The following PIK3R1 variants were observed in gnomAD, a reference collection of about 807,000 sequenced individuals.
PIK3R1 encodes the protein phosphatidylinositol 3-kinase regulatory subunit alpha.
Under a neutral mutation model 98.0 loss-of-function variants are expected in PIK3R1, and 29 were observed. The ratio of observed to expected loss-of-function variants is 0.30; its 90% confidence interval spans 0.22 to 0.40. PIK3R1 has a LOEUF of 0.40. Among genes scored for constraint, PIK3R1 ranks in the 10% least tolerant of loss-of-function variants. PIK3R1 has a pLI of 1.00. For synonymous variants in PIK3R1, 282 were observed against 311.8 expected (o/e 0.90, Z 1.01); for missense variants, 596 against 872.7 (o/e 0.68, Z 3.99).
rs2112263004 is a variant in PIK3R1 at position 68,293,748 on chromosome 5, A to G, written c.1339A>G (p.Lys447Glu). Residue 447 changes from lysine (K) to glutamate (E), a missense_variant, in exon 11 of 16, where the codon AAA becomes GAA. Physicochemically the swap from Lys to Glu is moderately conservative, Grantham distance 56. This residue lies in a region of PIK3R1 where 207 missense variants were observed against 361.4 expected (regional missense o/e 0.57). Coordinates refer to ENST00000521381, the MANE Select transcript of PIK3R1 (RefSeq NM_181523.3). ...VKEDNIEAVG[K>E]KLHEYNTQFQ... Reference sequence around the variant, plus strand: ...AGAAGATAATATTGAAGCTGTAGGGAAAAAATTACATGAATATAACACTCA... The same window carrying G: ...AGAAGATAATATTGAAGCTGTAGGGGAAAAATTACATGAATATAACACTCA... 1 of 1,523,784 alleles carries G rather than the reference A, an allele frequency of 6.6e-7. No homozygotes were observed. The highest frequency in any genetic ancestry group is 9.0e-7 in the Non-Finnish European group (1 of 1,107,570). The allele number at this position is 1,523,784 out of a possible 1,614,324, so 94.4% of individuals were successfully genotyped here.
At chr5:68,263,173 ATC>A (rs1745965997) in intron 2 of PIK3R1, among the ~76,000 whole-genome samples, 2 of 146,234 alleles carry the variant, frequency 1.4e-5, no homozygotes, top group African/African-American at 5.0e-5. Flanking sequence ...CTACATATAT[ATC>A]TATATATACA....
intron 2 of PIK3R1, among the ~76,000 whole-genome samples, chr5:68,248,610 C>T (rs1455995802): frequency 6.6e-6 from 1 of 152,000 alleles, no homozygotes; most frequent in Non-Finnish European, 1.5e-5. Flanking sequence ...AAGGCACTAC[C>T]CAGATAATCA....
chr5:68,269,106 C>A (rs1040612371), intron 2 of PIK3R1, among the ~76,000 whole-genome samples: 2 of 152,216 alleles, frequency 1.3e-5, no homozygotes, highest in Non-Finnish European at 2.9e-5. Flanking sequence ...GCTGAATCCT[C>A]CTTTCTTTTG....
intron 4 of PIK3R1, 94 bp downstream of exon 4, chr5:68,274,107 T>C (rs1746475539): frequency 1.2e-5 from 11 of 939,554 alleles, no homozygotes; most frequent in Non-Finnish European, 1.9e-5. Context: ...ATTTAATCTA[T>C]GCAGTGTTCT....
intron 7 of PIK3R1, among the ~76,000 whole-genome samples, chr5:68,285,385 G>A (rs1747035098): frequency 1.3e-5 from 2 of 152,168 alleles, no homozygotes; most frequent in South Asian, 4.1e-4. Flanking sequence ...CTAAGGTAGA[G>A]GGAAATGACA....
At chr5:68,272,930 T>A (rs1298734519) in intron 2 of PIK3R1, among the ~76,000 whole-genome samples, 1 of 152,228 alleles carries the variant, frequency 6.6e-6, no homozygotes, top group Admixed American at 6.5e-5. Context: ...CCATCCTTTC[T>A]AGGCAGTTAT....
chr5:68,250,875 G>C (rs1745281043), intron 2 of PIK3R1, among the ~76,000 whole-genome samples: 1 of 152,290 alleles, frequency 6.6e-6, no homozygotes, highest in Admixed American at 6.5e-5. Flanking sequence ...CTTTAGATTA[G>C]TTATGAGACT....
At chr5:68,258,241 A>C (rs2112095845) in intron 2 of PIK3R1, among the ~76,000 whole-genome samples, 1 of 152,310 alleles carries the variant, frequency 6.6e-6, no homozygotes, top group East Asian at 1.9e-4. Context: ...TGAAGCCCAG[A>C]ATGCACTTTA....
intron 2 of PIK3R1, among the ~76,000 whole-genome samples, chr5:68,267,643 T>C (rs1319627642): frequency 6.6e-6 from 1 of 151,988 alleles, no homozygotes; most frequent in Non-Finnish European, 1.5e-5. Context: ...TTTTTCTCCT[T>C]CTTCCTCCAA....
chr5:68,280,331 A>G (rs1233120297), intron 5 of PIK3R1, 197 bp from the exon 6 acceptor site: 8 of 589,240 alleles, frequency 1.4e-5, no homozygotes, highest in Non-Finnish European at 2.1e-5. Context: ...TTGCATTTCC[A>G]TTTGACCTGA....
At chr5:68,288,831 G>T (rs1747220701) in intron 7 of PIK3R1, 16 of 1,418,964 alleles carry the variant, frequency 1.1e-5, no homozygotes, top group Non-Finnish European at 1.5e-5. Flanking sequence ...GAGTACGTGT[G>T]TGTGCGTGCG....
At chr5:68,238,830 C>T (rs1178072145) in intron 2 of PIK3R1, among the ~76,000 whole-genome samples, 3 of 151,954 alleles carry the variant, frequency 2.0e-5, no homozygotes, top group Admixed American at 1.3e-4. Context: ...AAAGTGTTGC[C>T]GTATTTTTCA....
At chr5:68,287,016 A>G (rs2112218133) in intron 7 of PIK3R1, among the ~76,000 whole-genome samples, 1 of 152,336 alleles carries the variant, frequency 6.6e-6, no homozygotes, top group Non-Finnish European at 1.5e-5. Context: ...AGTTGCACTA[A>G]AGGAAAGTTT....
rs1337315180 is a variant in PIK3R1, at chr5:68,298,326, G to GACTA, written c.*730_*733dup. 1 of 233,134 alleles carries GACTA rather than the reference G, an allele frequency of 4.3e-6. No individual in the cohort carries two copies. The highest frequency in any genetic ancestry group is 2.2e-5 in the African/African-American group (1 of 45,296). The allele number at this position is 233,134 out of a possible 1,614,324, so 14.4% of individuals were successfully genotyped here. A position where few individuals can be genotyped will look rare whatever the true frequency, so the allele number is the denominator to read the frequency against. On this transcript the variant is annotated 3_prime_UTR_variant, in exon 16 of 16. Coordinates refer to ENST00000521381, the MANE Select transcript of PIK3R1 (RefSeq NM_181523.3). ...ATAAAATATGTACATAATATTGGAT[G>GACTA]ACTAACTATCAAATAGATGGATTTG...
At chr5:68,282,580 T>C (rs1746895928) in intron 7 of PIK3R1, among the ~76,000 whole-genome samples, 1 of 152,218 alleles carries the variant, frequency 6.6e-6, no homozygotes, top group South Asian at 2.1e-4. Context: ...TAGAGTTTGA[T>C]TAGCCTGACT....
chr5:68,263,959 A>G (rs1301051891), intron 2 of PIK3R1, among the ~76,000 whole-genome samples: 2 of 152,184 alleles, frequency 1.3e-5, no homozygotes, highest in Admixed American at 6.5e-5. Flanking sequence ...GCAAATATAC[A>G]TTACAAAATA....
intron 4 of PIK3R1, 45 bp downstream of exon 4, chr5:68,274,058 T>G (rs1166307711): frequency 5.5e-6 from 8 of 1,457,638 alleles, no homozygotes; most frequent in Non-Finnish European, 6.7e-6. Context: ...AGACAGGTCT[T>G]GGCTTTCTGT....
At position 68,300,811 on chromosome 5, in the gene PIK3R1, TTG is replaced by T. The variant is rs1747999905; in HGVS notation, c.*3212_*3213del. 8.6e-6 allele frequency: 2 copies of T among 232,590 alleles called. No individual in the cohort carries two copies. The highest frequency in any genetic ancestry group is 1.2e-4 in the East Asian group (2 of 16,562). The allele number at this position is 232,590 out of a possible 1,614,324, so 14.4% of individuals were successfully genotyped here. ...TTTGTCTTACAAAGGTGAAAATTGTTTGTAAGTGAAGTGAGAAGTTCATATTT... is the reference window on the plus strand; with the variant it reads ...TTTGTCTTACAAAGGTGAAAATTGTTTAAGTGAAGTGAGAAGTTCATATTT... On this transcript the variant is annotated 3_prime_UTR_variant, in exon 16 of 16. Transcript: ENST00000521381.
Position 68,294,651 on chromosome 5 carries a change from G to C in PIK3R1, c.1541G>C (p.Arg514Pro). 6.2e-7 allele frequency: 1 copy of C among 1,607,874 alleles called. No individual in the cohort carries two copies. Among genetic ancestry groups the C allele is most frequent in the Non-Finnish European group, 8.5e-7 (1 of 1,177,690 alleles). The change falls in exon 12 of 16, where the codon CGT (arginine) becomes CCT (proline). Residue 514 changes from arginine to proline, a missense_variant. Arg to Pro is a moderately radical substitution (Grantham distance 103). Transcript: ENST00000521381. Reference sequence around the variant, plus strand: ...AAAGAATACATAGAAAAGTTTAAACGTGAAGGCAATGAGAAAGAAATACAA... The same window carrying C: ...AAAGAATACATAGAAAAGTTTAAACCTGAAGGCAATGAGAAAGAAATACAA... ...YSKEYIEKFK[R>P]EGNEKEIQRI...
Sources: allele counts gnomAD v4.1 joint callset (sites outside exome capture counted in the v4.1 genomes callset), GRCh38; gene constraint gnomAD v4.1.1; regional missense constraint gnomAD v4.1.1; transcripts MANE v1.5; gene names NCBI Gene and HGNC (gene_info 2026-07-23, HGNC 2026-07-21).